The following TCF12 variants were observed in gnomAD, a reference collection of about 807,000 sequenced individuals.
The protein encoded by TCF12 is transcription factor 12.
TCF12 carries 45 observed loss-of-function variants against 86.0 expected under a neutral mutation model. The ratio of observed to expected loss-of-function variants is 0.52; its 90% confidence interval spans 0.41 to 0.67. The LOEUF is 0.67. Ranked by LOEUF, TCF12 falls within the 30% of genes least tolerant of loss-of-function variation. The pLI is 0.00. For missense variants in TCF12, 881 were observed against 859.9 expected (o/e 1.02, Z -0.31); for synonymous variants, 330 against 299.6 (o/e 1.10, Z -1.05).
intron 3 of TCF12, among the ~76,000 whole-genome samples, chr15:56,927,084 C>T (rs1325701879): frequency 6.6e-6 from 1 of 152,086 alleles, no homozygotes; most frequent in Non-Finnish European, 1.5e-5. Flanking sequence ...GATTGGCTTT[C>T]TGTAGGTAAG....
At chr15:56,999,834 A>G (rs1360291221) in intron 3 of TCF12, among the ~76,000 whole-genome samples, 2 of 152,108 alleles carry the variant, frequency 1.3e-5, no homozygotes, top group Non-Finnish European at 2.9e-5. Flanking sequence ...AGATGGAGCC[A>G]CTGCACTCCA....
At chr15:57,238,425 G>T (rs890710743) in intron 12 of TCF12, among the ~76,000 whole-genome samples, 5 of 152,092 alleles carry the variant, frequency 3.3e-5, no homozygotes, top group Admixed American at 2.6e-4. Flanking sequence ...ACCCTCAAAA[G>T]CCCATGCCTA....
At chr15:57,068,501 C>T (rs1171864128) in intron 4 of TCF12, among the ~76,000 whole-genome samples, 1 of 152,144 alleles carries the variant, frequency 6.6e-6, no homozygotes, top group Non-Finnish European at 1.5e-5. Context: ...TCAATTTCCC[C>T]TCTTCAACTG....
At chr15:56,989,071 CTA>C (rs1275478463) in intron 3 of TCF12, among the ~76,000 whole-genome samples, 1 of 152,010 alleles carries the variant, frequency 6.6e-6, no homozygotes, top group Admixed American at 6.6e-5. Flanking sequence ...CAAGAGATGA[CTA>C]TTTATTGACA....
intron 3 of TCF12, among the ~76,000 whole-genome samples, chr15:57,060,761 G>A (rs189957472): frequency 6.6e-6 from 1 of 152,022 alleles, no homozygotes; most frequent in Non-Finnish European, 1.5e-5. Flanking sequence ...TTCAGATTTT[G>A]GTCAATTTGT....
At chr15:57,037,482 G>A (rs2066584039) in intron 3 of TCF12, among the ~76,000 whole-genome samples, 1 of 152,064 alleles carries the variant, frequency 6.6e-6, no homozygotes, top group South Asian at 2.1e-4. Flanking sequence ...CTACCTAACT[G>A]TAGGATGAAG....
intron 3 of TCF12, among the ~76,000 whole-genome samples, chr15:57,008,446 G>A (rs1419328002): frequency 6.6e-6 from 1 of 150,790 alleles, no homozygotes; most frequent in African/African-American, 2.4e-5. Context: ...TGCAGTTATA[G>A]CTGGGTTGAA....
intron 3 of TCF12, among the ~76,000 whole-genome samples, chr15:56,964,447 C>G (rs1163461955): frequency 6.6e-6 from 1 of 152,190 alleles, no homozygotes; most frequent in Admixed American, 6.5e-5. Flanking sequence ...TCAACTTTCA[C>G]TCCTGGTTTT....
chr15:57,184,480 A>G (rs1292178164), intron 6 of TCF12, among the ~76,000 whole-genome samples: 3 of 152,168 alleles, frequency 2.0e-5, no homozygotes, highest in Non-Finnish European at 2.9e-5. Context: ...GTTTGTGTGT[A>G]TGTTATGACC....
chr15:57,186,615 C>T (rs1231759748), intron 6 of TCF12, among the ~76,000 whole-genome samples: 1 of 152,192 alleles, frequency 6.6e-6, no homozygotes, highest in Non-Finnish European at 1.5e-5. Context: ...GTGAAGCCAG[C>T]ATAATTCTGA....
In TCF12 at chr15:56,989,772, C is replaced by T. The variant is rs1405113329; in HGVS notation, c.148+68674C>T. Among the ~76,000 whole-genome samples the T allele has an allele frequency of 2.6e-5, 4 of 152,254 alleles. No homozygotes were observed. The South Asian group carries it at 8.3e-4, about 32-fold the overall frequency. On this transcript the variant is annotated intron_variant, in intron 3 of 20. Coordinates refer to ENST00000333725, the MANE Select transcript of TCF12 (RefSeq NM_207037.2). ...ACTGACCTTTAAAGTGAACTTGATG[C>T]ACCCTCTTCAGGAAACAGGAAACTG...
At chr15:57,233,079 TTTATATATGTA>T (rs2059225543) in intron 11 of TCF12, among the ~76,000 whole-genome samples, 1 of 149,114 alleles carries the variant, frequency 6.7e-6, no homozygotes, top group Non-Finnish European at 1.5e-5. Flanking sequence ...ATGTGTGTTT[TTTATATATGTA>T]TATATAGGTA....
rs957053712 is a variant in TCF12 at position 57,194,352 on chromosome 15, A to G, written c.526+2059A>G. Among the ~76,000 whole-genome samples, 6 of 143,508 alleles carry G rather than the reference A, an allele frequency of 4.2e-5. No homozygotes were observed. The South Asian group carries it at 1.4e-3, about 34-fold the overall frequency. 94.1% of individuals were successfully genotyped at this position (143,508 alleles called of 152,430 possible). A position where few individuals can be genotyped will look rare whatever the true frequency, so the allele number is the denominator to read the frequency against. On this transcript the variant is annotated intron_variant, in intron 7 of 20. Coordinates refer to ENST00000333725, the MANE Select transcript of TCF12 (RefSeq NM_207037.2). ...TGTTACAAATGAGGAGCTAAGACCC[A>G]GAGAAGCTAAATAATTTGGCCAAGG...
At chr15:57,168,122 G>A (rs2055035117) in intron 6 of TCF12, among the ~76,000 whole-genome samples, 1 of 151,936 alleles carries the variant, frequency 6.6e-6, no homozygotes. Context: ...GTCCAGCCTG[G>A]GCAATGTAGC....
chr15:57,184,652 C>T (rs1597144970), intron 6 of TCF12, among the ~76,000 whole-genome samples: 1 of 151,990 alleles, frequency 6.6e-6, no homozygotes, highest in Non-Finnish European at 1.5e-5. Flanking sequence ...TGACCCCTGC[C>T]CTTAAGCATG....
At chr15:57,145,130 C>T (rs1308220075) in intron 5 of TCF12, among the ~76,000 whole-genome samples, 5 of 152,168 alleles carry the variant, frequency 3.3e-5, no homozygotes, top group Admixed American at 6.5e-5. Context: ...AGAACATTTC[C>T]ATATGCCCAG....
At chr15:56,997,191 C>G (rs1196897071) in intron 3 of TCF12, among the ~76,000 whole-genome samples, 2 of 152,188 alleles carry the variant, frequency 1.3e-5, no homozygotes, top group African/African-American at 4.8e-5. Flanking sequence ...CATTCTAACA[C>G]TCTTCACAAG....
At chr15:57,267,003 T>C (rs2060901715) in intron 18 of TCF12, among the ~76,000 whole-genome samples, 1 of 152,342 alleles carries the variant, frequency 6.6e-6, no homozygotes, top group East Asian at 1.9e-4. Context: ...CATTCTAGCC[T>C]GGCTAACAGA....
intron 3 of TCF12, among the ~76,000 whole-genome samples, chr15:56,990,151 C>A: frequency 1.1e-5 from 1 of 92,716 alleles, no homozygotes; most frequent in Non-Finnish European, 2.2e-5. Flanking sequence ...ATAGTCTTGT[C>A]TTTTTTTTTT....
Sources: gnomAD v4.1 joint callset for allele counts (sites outside exome capture counted in the v4.1 genomes callset) on GRCh38, gnomAD v4.1.1 for gene constraint, MANE v1.5 for transcripts, NCBI Gene and HGNC (gene_info 2026-07-23, HGNC 2026-07-21) for gene names.